CXADR: variants seen among roughly 807,000 people sequenced by gnomAD.
CXADR encodes CXADR cell adhesion molecule, also known as coxsackievirus and adenovirus receptor.
Under a neutral mutation model 40.3 loss-of-function variants are expected in CXADR, and 20 were observed. That is an observed-to-expected ratio of 0.50 (90% CI 0.35 to 0.72). The LOEUF (loss-of-function observed/expected upper bound fraction) is 0.72. Ranked by LOEUF, CXADR falls within the 30% of genes least tolerant of loss-of-function variation. CXADR has a pLI of 0.01. For synonymous variants in CXADR, 150 were observed against 161.3 expected, an observed-to-expected ratio of 0.93 and a Z score of 0.53; for missense variants, 332 against 449.1, an observed-to-expected ratio of 0.74 and a Z score of 2.36.
chr21:17,552,541 T>C (rs948250715), intron 3 of CXADR, among the ~76,000 whole-genome samples: 14 of 152,084 alleles, frequency 9.2e-5, no homozygotes, highest in African/African-American at 3.4e-4. Flanking sequence ...ATTATCCTTC[T>C]CTAGATTCTG....
chr21:17,543,983 G>C (rs117378393), intron 1 of CXADR, among the ~76,000 whole-genome samples: 2,100 of 152,200 alleles, frequency 0.014, 77 homozygotes, highest in Admixed American at 0.083. Flanking sequence ...GGGTAACATA[G>C]TGAGACCTCA....
intron 6 of CXADR, among the ~76,000 whole-genome samples, chr21:17,563,464 A>G (rs2061152299): frequency 6.6e-6 from 1 of 151,944 alleles, no homozygotes; most frequent in South Asian, 2.1e-4. Context: ...AACACACACA[A>G]CATTTATTAA....
chr21:17,583,647 A>G (rs888653730), intron 7 of CXADR, among the ~76,000 whole-genome samples: 1 of 152,236 alleles, frequency 6.6e-6, no homozygotes, highest in Non-Finnish European at 1.5e-5. Context: ...CAGTGAACAG[A>G]CATATTTTAA....
chr21:17,544,662 C>A (rs935580626), intron 1 of CXADR, among the ~76,000 whole-genome samples: 1 of 152,088 alleles, frequency 6.6e-6, no homozygotes, highest in African/African-American at 2.4e-5. Flanking sequence ...TGAGGCCTAA[C>A]CTCGGAACTA....
Position 17,565,683 on chromosome 21 carries a change from T to C in CXADR, c.1089T>C (p.Ser363=), listed in dbSNP as rs2061198043. 2 of 1,611,856 alleles carry C rather than the reference T, an allele frequency of 1.2e-6. No homozygotes were observed. The highest frequency in any genetic ancestry group is 1.7e-5 in the Admixed American group (1 of 60,002). The change falls in exon 7 of 7, where the codon TCT becomes TCC. Residue 363 remains serine, a synonymous_variant. Transcript: ENST00000284878. The part of the protein sequence containing the change: ...VMIPAQSKDG[S]IV ...TTCCAGCACAGAGCAAGGATGGGTC[T>C]ATAGTATAGAGCCTCCATATGTCTC...
chr21:17,617,518 C>T, the CXADR span, among the ~76,000 whole-genome samples: 4 of 152,144 alleles, frequency 2.6e-5, no homozygotes, highest in African/African-American at 9.7e-5. Flanking sequence ...ATTGCGAGTT[C>T]AGTTCCAAAC....
chr21:17,538,896 G>A (rs1288710539), intron 1 of CXADR, among the ~76,000 whole-genome samples: 1 of 152,186 alleles, frequency 6.6e-6, no homozygotes, highest in African/African-American at 2.4e-5. Context: ...ATGAGAAAGT[G>A]TGGTTGCAGG....
Position 17,562,912 on chromosome 21 carries a change from T to C in CXADR, c.833+1436T>C, listed in dbSNP as rs549279130. ...GAATTGAATAGAGTTAGGGCCTTGC[T>C]CTGGATTGGGCTTTGGTGTAAGGGA... On this transcript the variant is annotated intron_variant, in intron 6 of 6. Coordinates refer to ENST00000284878, the MANE Select transcript of CXADR (RefSeq NM_001338.5). 1.5e-4 allele frequency among the ~76,000 whole-genome samples: 23 copies of C among 152,346 alleles called. 1 individual carries two copies. In the South Asian group the frequency reaches 2.9e-3, roughly 19 times the overall value.
downstream of CXADR, chr21:17,570,114 G>T: frequency 1.0e-6 from 1 of 985,360 alleles, no homozygotes; most frequent in Non-Finnish European, 1.2e-6. Flanking sequence ...CTGCCTCATG[G>T]TGTGGCTTTA....
chr21:17,574,131 A>G (rs943238561), downstream of CXADR, among the ~76,000 whole-genome samples: 6 of 152,228 alleles, frequency 3.9e-5, no homozygotes, highest in Non-Finnish European at 8.8e-5. Context: ...GGTGATGCAC[A>G]AAGTATAGAG....
intron 7 of CXADR, among the ~76,000 whole-genome samples, chr21:17,585,396 A>G (rs145812585): frequency 2.1e-3 from 316 of 152,354 alleles, no homozygotes; most frequent in African/African-American, 7.0e-3. Flanking sequence ...TGACCATAAA[A>G]TGAACATATT....
At chr21:17,630,386 T>G in the CXADR span, among the ~76,000 whole-genome samples, 3 of 152,170 alleles carry the variant, frequency 2.0e-5, no homozygotes. Flanking sequence ...ATCCTGTCAT[T>G]TCACTCCTAC....
chr21:17,555,900 G>A (rs2061028447), intron 3 of CXADR, among the ~76,000 whole-genome samples: 1 of 152,090 alleles, frequency 6.6e-6, no homozygotes, highest in East Asian at 1.9e-4. Context: ...TTTCTTGGAA[G>A]GATGACATCA....
At chr21:17,598,477 T>C, downstream of CXADR, 2 of 672,326 alleles carry the variant, frequency 3.0e-6, no homozygotes, top group South Asian at 2.2e-5. Flanking sequence ...GAGAAACAGC[T>C]TTCCCTTAGC....
chr21:17,609,076 T>C, the CXADR span: 2 of 1,614,156 alleles, frequency 1.2e-6, no homozygotes, highest in South Asian at 1.1e-5. Flanking sequence ...CTGCCTCTTT[T>C]TTCAACTTAT....
intron 1 of CXADR, among the ~76,000 whole-genome samples, chr21:17,514,559 C>T (rs2060434790): frequency 3.4e-5 from 2 of 58,322 alleles, no homozygotes; most frequent in Non-Finnish European, 3.4e-5. Context: ...ACAGTGTGTT[C>T]TCTGGGAAAA....
chr21:17,552,272 C>G (rs939598775), intron 3 of CXADR, among the ~76,000 whole-genome samples: 2 of 152,020 alleles, frequency 1.3e-5, no homozygotes, highest in Admixed American at 6.6e-5. Context: ...AGAATTTGCC[C>G]TGAGAATTAT....
At chr21:17,561,316 C>T in intron 5 of CXADR, 22 bp from the exon 6 acceptor site, 1 of 1,420,562 alleles carries the variant, frequency 7.0e-7, no homozygotes, top group Non-Finnish European at 9.5e-7. Flanking sequence ...ATATTTTTTA[C>T]TATTAATTCT....
At position 17,567,909 on chromosome 21, in the gene CXADR, T is replaced by C. The variant is rs2061232573; in HGVS notation, c.*2217T>C. ...GAGGAACAAGACTTCTCTTCCCATA[T>C]ACTTCATATTTTAGAGGACATTGTT... is the stretch of plus-strand genomic sequence containing the variant. On this transcript the variant is annotated 3_prime_UTR_variant, in exon 7 of 7. Transcript: ENST00000284878. 1 of 977,956 alleles carries C rather than the reference T, an allele frequency of 1.0e-6. No homozygotes were observed. Among genetic ancestry groups the C allele is most frequent in the Non-Finnish European group, 1.2e-6 (1 of 823,490 alleles). 60.6% of individuals were successfully genotyped at this position (977,956 alleles called of 1,614,324 possible). A position where few individuals can be genotyped will look rare whatever the true frequency, so the allele number is the denominator to read the frequency against.
Sources: gnomAD v4.1 joint callset for allele counts (sites outside exome capture counted in the v4.1 genomes callset) on GRCh38, gnomAD v4.1.1 for gene constraint, MANE v1.5 for transcripts, NCBI Gene and HGNC (gene_info 2026-07-23, HGNC 2026-07-21) for gene names.